The following NDUFAF7 variants were observed in gnomAD, a reference collection of about 807,000 sequenced individuals.
NDUFAF7 encodes the protein protein arginine methyltransferase NDUFAF7, mitochondrial.
A neutral mutation model predicts 47.2 loss-of-function variants in NDUFAF7; 48 were observed. The ratio of observed to expected loss-of-function variants is 1.02; its 90% CI spans 0.81 to 1.29. NDUFAF7 has a LOEUF of 1.29. Ranked by LOEUF, NDUFAF7 falls within the 50% of genes most tolerant of loss-of-function variation. NDUFAF7 has a pLI of 0.00. For synonymous variants in NDUFAF7, 217 were observed against 190.0 expected (o/e 1.14, Z -1.17); for missense variants, 635 against 537.6 (o/e 1.18, Z -1.79).
chr2:37,243,260 G>A (rs574911920), intron 6 of NDUFAF7, among the ~76,000 whole-genome samples: 67 of 152,250 alleles, frequency 4.4e-4, no homozygotes, highest in African/African-American at 1.5e-3. Flanking sequence ...AGACCAGCCT[G>A]GCCAACATGA....
chr2:37,258,009 TTGC>T (rs552846285), downstream of NDUFAF7, among the ~76,000 whole-genome samples: 28 of 152,322 alleles, frequency 1.8e-4, no homozygotes, highest in South Asian at 5.4e-3. Flanking sequence ...AACACTTATC[TTGC>T]TGCCCAGATT....
At chr2:37,259,970 G>C in the NDUFAF7 span, among the ~76,000 whole-genome samples, 1 of 152,108 alleles carries the variant, frequency 6.6e-6, no homozygotes, top group Admixed American at 6.6e-5. Flanking sequence ...TTCGAGACCA[G>C]CCTGGCCAAC....
At chr2:37,258,144 A>G (rs1668125209), downstream of NDUFAF7, among the ~76,000 whole-genome samples, 2 of 152,202 alleles carry the variant, frequency 1.3e-5, no homozygotes, top group South Asian at 4.1e-4. Context: ...CATTAATATA[A>G]ATTGAGAGGA....
At chr2:37,244,991 C>G (rs539891564) in intron 7 of NDUFAF7, among the ~76,000 whole-genome samples, 25 of 152,236 alleles carry the variant, frequency 1.6e-4, no homozygotes, top group African/African-American at 5.8e-4. Flanking sequence ...GAAGAGTAGC[C>G]TAAGATAGAA....
At chr2:37,245,993 G>T in intron 7 of NDUFAF7, 59 bp from the exon 8 acceptor site, 16 of 1,584,514 alleles carry the variant, frequency 1.0e-5, no homozygotes, top group Non-Finnish European at 1.4e-5. Flanking sequence ...CTGAAAAACC[G>T]TAAGGAAGTC....
downstream of NDUFAF7, chr2:37,256,641 T>C: frequency 7.2e-7 from 1 of 1,384,106 alleles, no homozygotes; most frequent in East Asian, 2.6e-5. Flanking sequence ...TTTTTTTTTT[T>C]TTTTTTTTTT....
chr2:37,246,542 T>G (rs1277410668), intron 8 of NDUFAF7, among the ~76,000 whole-genome samples: 1 of 152,224 alleles, frequency 6.6e-6, no homozygotes, highest in Non-Finnish European at 1.5e-5. Flanking sequence ...ATTTTGGTAC[T>G]TCTTTACAGA....
chr2:37,258,851 G>A, the NDUFAF7 span, among the ~76,000 whole-genome samples: 1 of 152,122 alleles, frequency 6.6e-6, no homozygotes, highest in Non-Finnish European at 1.5e-5. Flanking sequence ...TTGTCTAAAT[G>A]TACATGTTTC....
intron 7 of NDUFAF7, among the ~76,000 whole-genome samples, chr2:37,244,622 T>G (rs1666721598): frequency 6.6e-6 from 1 of 152,200 alleles, no homozygotes; most frequent in Admixed American, 6.5e-5. Flanking sequence ...ACTGCCTCTT[T>G]TTTTTTAATC....
At chr2:37,250,141 C>T (rs1403796115), downstream of NDUFAF7, among the ~76,000 whole-genome samples, 2 of 151,706 alleles carry the variant, frequency 1.3e-5, no homozygotes, top group Non-Finnish European at 2.9e-5. Flanking sequence ...ATTAGACACC[C>T]CTGCACTAAA....
chr2:37,253,024 T>G, downstream of NDUFAF7: 1 of 655,364 alleles, frequency 1.5e-6, no homozygotes, highest in Non-Finnish European at 2.3e-6. Flanking sequence ...CTGTACCTAC[T>G]CATTATGAAC....
chr2:37,237,947 T>C, intron 4 of NDUFAF7, 80 bp downstream of exon 4: 1 of 997,570 alleles, frequency 1.0e-6, no homozygotes, highest in South Asian at 1.4e-5. Context: ...GTTGATTTCA[T>C]TGGTTTTCAG....
chr2:37,271,260 C>T, the NDUFAF7 span, among the ~76,000 whole-genome samples: 107 of 152,160 alleles, frequency 7.0e-4, no homozygotes, highest in African/African-American at 2.5e-3. Flanking sequence ...TAGCAAACTC[C>T]AGCTTGTGGG....
At chr2:37,242,548 A>G in intron 5 of NDUFAF7, 87 bp from the exon 6 acceptor site, 5 of 1,042,260 alleles carry the variant, frequency 4.8e-6, no homozygotes, top group Non-Finnish European at 7.3e-6. Flanking sequence ...TTATGGAGGA[A>G]GTAGGCATTT....
At chr2:37,264,568 T>C in the NDUFAF7 span, among the ~76,000 whole-genome samples, 2 of 152,060 alleles carry the variant, frequency 1.3e-5, no homozygotes, top group African/African-American at 2.4e-5. Context: ...GGAGGCTTCA[T>C]TGAGGAAATG....
chr2:37,231,842 G>A (rs911216979), intron 1 of NDUFAF7, 82 bp downstream of exon 1: 7 of 1,598,598 alleles, frequency 4.4e-6, no homozygotes, highest in Admixed American at 1.7e-5. Context: ...GAGGGTACCG[G>A]GGGATCAAGG....
In NDUFAF7 at chr2:37,244,061, T is replaced by G. The variant is rs552390264; in HGVS notation, c.792+88T>G. 1.3e-4 allele frequency: 149 copies of G among 1,168,286 alleles called. 1 individual carries two copies. In the South Asian group the frequency reaches 2.0e-3, roughly 15 times the overall value. The allele number at this position is 1,168,286 out of a possible 1,614,324, so 72.4% of individuals were successfully genotyped here. On this transcript the variant is annotated intron_variant, in intron 7 of 9. Coordinates refer to ENST00000002125, the MANE Select transcript of NDUFAF7 (RefSeq NM_144736.5). ...GAGTTACTACTTTAGAGTTTTAGAG[T>G]TCCTTTACAGGAAGAGTTGCTAGTA...
At chr2:37,268,348 G>C in the NDUFAF7 span, 211 of 471,016 alleles carry the variant, frequency 4.5e-4, 3 homozygotes, top group South Asian at 3.2e-3. Context: ...CTCCAGAGAT[G>C]TAACTACTCT....
Position 37,241,781 on chromosome 2 carries a change from T to C in NDUFAF7, c.612T>C (p.Asp204=), listed in dbSNP as rs1453367750. ...IPISWYRDLH[D]VPKGYSFYLA... is the part of the protein sequence containing the mutation. Reference sequence around the variant, plus strand: ...TTTCCTGGTACCGAGATCTGCACGATGTTCCAAAAGGTAATTACCTTTATG... The same window carrying C: ...TTTCCTGGTACCGAGATCTGCACGACGTTCCAAAAGGTAATTACCTTTATG... Residue 204 remains aspartate, a synonymous_variant, in exon 5 of 10, where the codon GAT becomes GAC. Transcript: ENST00000002125. 6.2e-7 allele frequency: 1 copy of C among 1,613,456 alleles called. No homozygotes were observed. The highest frequency in any genetic ancestry group is 8.5e-7 in the Non-Finnish European group (1 of 1,179,924).
Sources: gnomAD v4.1 joint callset for allele counts (sites outside exome capture counted in the v4.1 genomes callset) on GRCh38, gnomAD v4.1.1 for gene constraint, MANE v1.5 for transcripts, NCBI Gene and HGNC (gene_info 2026-07-23, HGNC 2026-07-21) for gene names.